The following GAS7 variants were observed in gnomAD, a reference collection of about 807,000 sequenced individuals.
GAS7 encodes growth arrest specific 7.
A neutral mutation model predicts 71.1 loss-of-function variants in GAS7; 28 were observed. That is an observed-to-expected ratio of 0.39 (90% CI 0.29 to 0.54). GAS7 has a LOEUF of 0.54. Among genes scored for constraint, GAS7 ranks in the 20% least tolerant of loss-of-function variants. GAS7 has a pLI of 0.62. For missense variants in GAS7, 436 were observed against 627.8 expected, an observed-to-expected ratio of 0.69 and a Z score of 3.27; for synonymous variants, 258 against 245.8, an observed-to-expected ratio of 1.05 and a Z score of -0.46.
chr17:9,976,439 C>T (rs576302155), intron 3 of GAS7, among the ~76,000 whole-genome samples: 1 of 152,220 alleles, frequency 6.6e-6, no homozygotes, highest in Non-Finnish European at 1.5e-5. Flanking sequence ...TTCCTTTGCT[C>T]CTGCAGGGGA....
At position 9,911,792 on chromosome 17, in the gene GAS7, T is replaced by C. The variant is rs2067443374; in HGVS notation, c.*5436A>G. Reference sequence around the variant, plus strand: ...TCTTCACCTGGCCTGGATCCAGAAATGTCTCTGGTTCGCATAGAGAGGTAC... The same window carrying C: ...TCTTCACCTGGCCTGGATCCAGAAACGTCTCTGGTTCGCATAGAGAGGTAC... On this transcript the variant is annotated 3_prime_UTR_variant, in exon 14 of 14. Transcript: ENST00000432992. This position sits in a 1 kb window ranked among gnomAD's most constrained non-coding sequence, Gnocchi z 4.0. 1 of 231,702 alleles carries C rather than the reference T, an allele frequency of 4.3e-6. No individual in the cohort carries two copies. The highest frequency in any genetic ancestry group is 8.5e-6 in the Non-Finnish European group (1 of 117,146). The allele number at this position is 231,702 out of a possible 1,614,324, so 14.4% of individuals were successfully genotyped here. A position where few individuals can be genotyped will look rare whatever the true frequency, so the allele number is the denominator to read the frequency against.
In GAS7 at chr17:9,929,579, G is replaced by A. The variant is rs187667770; in HGVS notation, c.886-2810C>T. 2.0e-3 allele frequency among the ~76,000 whole-genome samples: 299 copies of A among 152,088 alleles called. 1 individual carries two copies. The highest frequency in any genetic ancestry group is 6.4e-3 in the African/African-American group (264 of 41,498). ...AAGCTCCACCTCCCAGGTTCAAGCCGTTCTCCTGCCTCAGCCTCCCAAGTA... is the reference window on the plus strand; with the variant it reads ...AAGCTCCACCTCCCAGGTTCAAGCCATTCTCCTGCCTCAGCCTCCCAAGTA... On this transcript the variant is annotated intron_variant, in intron 9 of 13. Coordinates refer to ENST00000432992, the MANE Select transcript of GAS7 (RefSeq NM_201433.2).
intron 1 of GAS7, among the ~76,000 whole-genome samples, chr17:10,168,196 C>A (rs11869180): frequency 6.6e-6 from 1 of 152,040 alleles, no homozygotes; most frequent in Non-Finnish European, 1.5e-5. Context: ...TACATCCATA[C>A]TATAGAATAC....
At chr17:10,002,818 C>T (rs563387717) in intron 2 of GAS7, among the ~76,000 whole-genome samples, 25 of 152,164 alleles carry the variant, frequency 1.6e-4, no homozygotes, top group Non-Finnish European at 2.4e-4. Context: ...CATTGTTAGA[C>T]ATTTGGCTTG....
chr17:10,073,367 G>A (rs1169617845), intron 1 of GAS7, among the ~76,000 whole-genome samples: 3 of 152,190 alleles, frequency 2.0e-5, no homozygotes, highest in Non-Finnish European at 4.4e-5. Flanking sequence ...AGCCAGTGCA[G>A]GCTTGGATCC....
At position 9,913,037 on chromosome 17, in the gene GAS7, C is replaced by T. The variant is rs2067480876; in HGVS notation, c.*4191G>A. The T allele has an allele frequency of 4.3e-6, 1 of 232,524 alleles. No individual in the cohort carries two copies. Among genetic ancestry groups the T allele is most frequent in the African/African-American group, 2.2e-5 (1 of 45,330 alleles). 14.4% of individuals were successfully genotyped at this position (232,524 alleles called of 1,614,324 possible). The stretch of plus-strand genomic sequence containing the variant: ...GGATCAGATAATCAATCAGGGTTGC[C>T]AGGGAAAGAGGGCAGGAGAAGGGAA... On this transcript the variant is annotated 3_prime_UTR_variant, in exon 14 of 14. Coordinates refer to ENST00000432992, the MANE Select transcript of GAS7 (RefSeq NM_201433.2).
intron 1 of GAS7, among the ~76,000 whole-genome samples, chr17:10,055,906 CTT>C (rs1055601938): frequency 6.6e-6 from 1 of 152,100 alleles, no homozygotes; most frequent in Admixed American, 6.6e-5. Flanking sequence ...TTTAGAATCT[CTT>C]TTTTTAACTC....
chr17:10,075,438 A>G (rs901640295), intron 1 of GAS7, among the ~76,000 whole-genome samples: 1 of 152,228 alleles, frequency 6.6e-6, no homozygotes, highest in Non-Finnish European at 1.5e-5. Flanking sequence ...AAAGTCAGGA[A>G]TAAGACAATG....
chr17:10,098,263 G>A (rs1442385802), intron 1 of GAS7, among the ~76,000 whole-genome samples: 1 of 152,120 alleles, frequency 6.6e-6, no homozygotes, highest in Non-Finnish European at 1.5e-5. Flanking sequence ...CTCCCTCTAG[G>A]ACTAGCCTGG....
intron 1 of GAS7, among the ~76,000 whole-genome samples, chr17:10,194,746 G>A (rs1335284503): frequency 6.6e-6 from 1 of 151,862 alleles, no homozygotes; most frequent in Non-Finnish European, 1.5e-5. Flanking sequence ...GGCCGAGGCG[G>A]GTGGATCACA....
In GAS7 at chr17:10,196,643, A is replaced by G. The variant is rs118050150; in HGVS notation, c.183+1565T>C. On this transcript the variant is annotated intron_variant, in intron 1 of 13. Transcript: ENST00000432992. ...AACACCTACCCAGCCTCACCCCTAC[A>G]CAAAACACAGCTGGCTCAGTCCAGC... Among the ~76,000 whole-genome samples the G allele has an allele frequency of 2.6e-5, 4 of 152,206 alleles. No homozygotes were observed. The East Asian group carries it at 7.7e-4, about 29-fold the overall frequency.
chr17:10,064,346 C>A (rs1032125539), intron 1 of GAS7, among the ~76,000 whole-genome samples: 1 of 152,216 alleles, frequency 6.6e-6, no homozygotes, highest in East Asian at 1.9e-4. Flanking sequence ...AGCAGGCTCT[C>A]GTAGCATCTG....
intron 3 of GAS7, among the ~76,000 whole-genome samples, chr17:9,976,615 T>TTGCC (rs2070215203): frequency 6.6e-6 from 1 of 152,180 alleles, no homozygotes; most frequent in Non-Finnish European, 1.5e-5. Context: ...AAGGTCCTCC[T>TTGCC]TGCCCTTCAG....
At chr17:10,139,746 G>A (rs1318505571) in intron 1 of GAS7, among the ~76,000 whole-genome samples, 1 of 152,158 alleles carries the variant, frequency 6.6e-6, no homozygotes, top group African/African-American at 2.4e-5. Flanking sequence ...AAGATTTCTG[G>A]GAGATATGGT....
At chr17:10,056,646 T>C (rs780900337) in intron 1 of GAS7, among the ~76,000 whole-genome samples, 78 of 152,136 alleles carry the variant, frequency 5.1e-4, no homozygotes, top group Middle Eastern at 3.4e-3. Context: ...CCAAGGCAGG[T>C]GGATCACGAG....
At chr17:9,947,491 T>A (rs2068831499) in intron 5 of GAS7, among the ~76,000 whole-genome samples, 2 of 152,176 alleles carry the variant, frequency 1.3e-5, no homozygotes, top group Admixed American at 1.3e-4. Context: ...ACGCCTGTAA[T>A]CCCAGCACTT....
rs1194023691 is a variant in GAS7, at chr17:10,017,128, CTAAAAAAA to C, written c.304+2641_304+2648del. ...CCTGGGCAACAGAGTGAGACCCTGT[CTAAAAAAA>C]TAAATAAATAAATAAATAAATAAAT... On this transcript the variant is annotated intron_variant, in intron 2 of 13. Coordinates refer to ENST00000432992, the MANE Select transcript of GAS7 (RefSeq NM_201433.2). Among the ~76,000 whole-genome samples the C allele has an allele frequency of 7.0e-3, 933 of 133,646 alleles. 11 individuals carry two copies. Among genetic ancestry groups the C allele is most frequent in the African/African-American group, 0.023 (848 of 36,946 alleles). 87.7% of individuals were successfully genotyped at this position (133,646 alleles called of 152,430 possible).
chr17:9,956,510 T>A (rs553871352), intron 5 of GAS7, among the ~76,000 whole-genome samples: 2 of 152,256 alleles, frequency 1.3e-5, no homozygotes, highest in African/African-American at 2.4e-5. Context: ...GACGCGTTCA[T>A]GCTCCTGCCA....
At chr17:10,093,018 A>G (rs561568103) in intron 1 of GAS7, among the ~76,000 whole-genome samples, 31 of 152,324 alleles carry the variant, frequency 2.0e-4, no homozygotes, top group African/African-American at 7.2e-4. Flanking sequence ...GACTCTAAGG[A>G]TAAGGACCTG....
Sources: allele counts gnomAD v4.1 joint callset (sites outside exome capture counted in the v4.1 genomes callset), GRCh38; gene constraint gnomAD v4.1.1; non-coding constraint Gnocchi (gnomAD v3.1); transcripts MANE v1.5; gene names NCBI Gene and HGNC (gene_info 2026-07-23, HGNC 2026-07-21).